Variants in VPS35 observed in about 807,000 individuals in gnomAD.
The protein encoded by VPS35 is VPS35 retromer complex component, also known as vacuolar protein sorting-associated protein 35.
In VPS35, 21 loss-of-function variants were observed where a neutral mutation model predicts 98.1. The ratio of observed to expected loss-of-function variants is 0.21; its 90% CI spans 0.15 to 0.31. VPS35 has a LOEUF of 0.31. Ranked by LOEUF, VPS35 falls within the 10% of genes least tolerant of loss-of-function variation. The probability of loss-of-function intolerance (pLI) is 1.00; values close to 1 mark genes in which losing one functional copy is unlikely to be tolerated. For missense variants in VPS35, 554 were observed against 950.8 expected, an observed-to-expected ratio of 0.58 and a Z score of 5.49; for synonymous variants, 268 against 318.2, an observed-to-expected ratio of 0.84 and a Z score of 1.68.
rs1966222863 is a variant in VPS35 at position 46,680,793 on chromosome 16, A to G, written c.384T>C (p.Asp128=). 6.2e-7 allele frequency: 1 copy of G among 1,614,078 alleles called. No individual in the cohort carries two copies. The highest frequency in any genetic ancestry group is 8.5e-7 in the Non-Finnish European group (1 of 1,179,964). The change falls in exon 5 of 17, where the codon GAT becomes GAC. Residue 128 remains aspartate (D), a synonymous_variant. Transcript: ENST00000299138. ...YVKSFPQSRK[D]ILKDLVEMCR... ...ACATTTCTACCAAATCTTTCAAAAT[A>G]TCCTTCCTGGACTGAGGAAATGACT...
rs1555523076 is a variant in VPS35, at chr16:46,662,991, T to C, written c.1819A>G (p.Met607Val). 6.2e-7 allele frequency: 1 copy of C among 1,614,214 alleles called. No individual in the cohort carries two copies. The highest frequency in any genetic ancestry group is 8.5e-7 in the Non-Finnish European group (1 of 1,180,040). Residue 607 changes from methionine to valine, a missense_variant, in exon 14 of 17, where the codon ATG (methionine) becomes GTG (valine). Met to Val is a conservative substitution (Grantham distance 21, BLOSUM62 1). Around this residue, in one of 5 missense-constraint regions of VPS35, gnomAD observed 3 missense variants for 24.0 expected, o/e 0.13. Transcript: ENST00000299138. ...AAAGAACAGATCATCACCTGGGACA[T>C]GAATTCATATGCGACTGTCTCATGA... ...ENHETVAYEF[M>V]SQAFSLYEDE... is the part of the protein sequence containing the mutation.
intron 5 of VPS35, among the ~76,000 whole-genome samples, chr16:46,680,294 T>C (rs552415885): frequency 4.9e-4 from 75 of 152,348 alleles, no homozygotes; most frequent in South Asian, 1.0e-3. Flanking sequence ...TAAAAACTGA[T>C]AGACACTAAA....
chr16:46,659,451 G>C lies in VPS35; in HGVS notation c.*1021C>G, dbSNP rs1389513871. 1 of 152,172 alleles carries C rather than the reference G, an allele frequency of 6.6e-6. No individual in the cohort carries two copies. Among genetic ancestry groups the C allele is most frequent in the Non-Finnish European group, 1.5e-5 (1 of 68,052 alleles). 9.4% of individuals were successfully genotyped at this position (152,172 alleles called of 1,614,324 possible). Reference sequence around the variant, plus strand: ...TAGTATCGGTGGTGAGCCTTTGGGGGGTTTATGTGAATTCATCATGCCTTG... The same window carrying C: ...TAGTATCGGTGGTGAGCCTTTGGGGCGTTTATGTGAATTCATCATGCCTTG... On this transcript the variant is annotated 3_prime_UTR_variant, in exon 17 of 17. Coordinates refer to ENST00000299138, the MANE Select transcript of VPS35 (RefSeq NM_018206.6).
intron 5 of VPS35, among the ~76,000 whole-genome samples, chr16:46,679,873 A>C (rs1040903378): frequency 1.3e-5 from 2 of 152,216 alleles, no homozygotes; most frequent in African/African-American, 4.8e-5. Context: ...AAAGAAATTG[A>C]TGCAGATATA....
chr16:46,660,820 C>CCA (rs1555522910), intron 16 of VPS35, 169 bp from the exon 17 acceptor site: 10 of 340,990 alleles, frequency 2.9e-5, no homozygotes, highest in Non-Finnish European at 2.7e-5. Context: ...TACTGACTAT[C>CCA]AAAAAAAAAA....
rs1157397102 is a variant in VPS35 at position 46,662,565 on chromosome 16, T to C, written c.1828-83A>G. 6 of 1,593,814 alleles carry C rather than the reference T, an allele frequency of 3.8e-6. No homozygotes were observed. In the African/African-American group the frequency reaches 8.0e-5, roughly 21 times the overall value. Reference sequence around the variant, plus strand: ...TTTCCAAAGTACTTGTCACCAAACCTCCATCCTGTGAGACTTCTGCAGCCT... The same window carrying C: ...TTTCCAAAGTACTTGTCACCAAACCCCCATCCTGTGAGACTTCTGCAGCCT... On this transcript the variant is annotated intron_variant, in intron 14 of 16. Coordinates refer to ENST00000299138, the MANE Select transcript of VPS35 (RefSeq NM_018206.6).
At chr16:46,674,804 G>A (rs1393903965) in intron 8 of VPS35, 144 bp from the exon 9 acceptor site, 1 of 847,892 alleles carries the variant, frequency 1.2e-6, no homozygotes, top group Non-Finnish European at 1.8e-6. Flanking sequence ...GTTTTGTTTT[G>A]TTTTGAGACA....
Position 46,656,311 on chromosome 16 carries a change from C to T in VPS35, c.*4161G>A, listed in dbSNP as rs1240397766. On this transcript the variant is annotated 3_prime_UTR_variant, in exon 17 of 17. Transcript: ENST00000299138. The stretch of plus-strand genomic sequence containing the variant: ...ATCAATCAGTATGCAATTCAATGGA[C>T]TTTAGTTTTGGGAGCAGACTTGAAT... 1.3e-5 allele frequency: 2 copies of T among 152,188 alleles called. No homozygotes were observed. The highest frequency in any genetic ancestry group is 2.9e-5 in the Non-Finnish European group (2 of 68,036). 9.4% of individuals were successfully genotyped at this position (152,188 alleles called of 1,614,324 possible). A position where few individuals can be genotyped will look rare whatever the true frequency, so the allele number is the denominator to read the frequency against.
chr16:46,681,306 GATAATC>G, intron 4 of VPS35, 65 bp downstream of exon 4: 3 of 1,599,516 alleles, frequency 1.9e-6, no homozygotes, highest in Non-Finnish European at 1.7e-6. Context: ...TTCTTAAGCT[GATAATC>G]ATAAAAGACG....
chr16:46,678,305 T>TA lies in VPS35; in HGVS notation c.720+637dup, dbSNP rs58288436. Among the ~76,000 whole-genome samples, 55 of 119,348 alleles carry TA rather than the reference T, an allele frequency of 4.6e-4. 2 individuals carry two copies. The highest frequency in any genetic ancestry group is 1.6e-3 in the African/African-American group (52 of 31,918). The allele number at this position is 119,348 out of a possible 152,430, so 78.3% of individuals were successfully genotyped here. On this transcript the variant is annotated intron_variant, in intron 6 of 16. Transcript: ENST00000299138. ...TAAAATACACTTAGCTGATGAGCTT[T>TA]AAAAAAAAAAAAAAAAAAAAAAAAA...
chr16:46,671,557 C>T (rs767045287), intron 12 of VPS35, 148 bp downstream of exon 12: 36 of 1,157,680 alleles, frequency 3.1e-5, no homozygotes, highest in African/African-American at 6.1e-5. Context: ...CTACAACCTC[C>T]GCCTCCCAGG....
chr16:46,683,472 G>A (rs754989523), intron 2 of VPS35, 36 bp downstream of exon 2: 39 of 1,588,242 alleles, frequency 2.5e-5, no homozygotes, highest in Non-Finnish European at 3.0e-5. Flanking sequence ...AGGAACACAC[G>A]AACTGCAACT....
chr16:46,686,092 GT>G (rs1471492398), intron 1 of VPS35, among the ~76,000 whole-genome samples: 1 of 151,946 alleles, frequency 6.6e-6, no homozygotes, highest in Non-Finnish European at 1.5e-5. Flanking sequence ...TTTTCTCTGA[GT>G]TTGACTACTC....
chr16:46,689,009 C>T (rs774693943), intron 1 of VPS35, 122 bp downstream of exon 1: 8 of 1,549,624 alleles, frequency 5.2e-6, no homozygotes, highest in Non-Finnish European at 7.0e-6. Flanking sequence ...CCAAATCGGG[C>T]TGGTCTTAAT....
intron 10 of VPS35, among the ~76,000 whole-genome samples, chr16:46,674,086 C>T (rs1966105362): frequency 1.3e-5 from 2 of 152,118 alleles, no homozygotes; most frequent in African/African-American, 4.8e-5. Context: ...AAATTGGAGA[C>T]ACTGGTCCCT....
chr16:46,674,504 G>T (rs372739478), intron 9 of VPS35, 42 bp from the exon 10 acceptor site: 34 of 1,606,060 alleles, frequency 2.1e-5, no homozygotes, highest in Middle Eastern at 1.7e-4. Context: ...TTAAACAATT[G>T]TAAAAGGAAG....
rs963718703 is a variant in VPS35, at chr16:46,661,159, G to A, written c.2212-508C>T. Among the ~76,000 whole-genome samples, 1 of 151,992 alleles carries A rather than the reference G, an allele frequency of 6.6e-6. No homozygotes were observed. Among genetic ancestry groups the A allele is most frequent in the South Asian group, 2.1e-4 (1 of 4,806 alleles). ...GACTCTGTCAAAAAAAGAAAAACAA[G>A]CAAAATTTTATTTAACTTACAAATC... is the stretch of plus-strand genomic sequence containing the variant. On this transcript the variant is annotated intron_variant, in intron 16 of 16. Transcript: ENST00000299138. This position sits in a 1 kb window ranked among gnomAD's most constrained non-coding sequence, Gnocchi z 4.3.
At chr16:46,673,993 T>C in intron 10 of VPS35, 1 of 319,122 alleles carries the variant, frequency 3.1e-6, no homozygotes, top group African/African-American at 2.1e-5. Context: ...GTGTATTTTA[T>C]GTGTGGCCCA....
chr16:46,662,580 T>G, intron 14 of VPS35, 98 bp from the exon 15 acceptor site: 1 of 1,561,714 alleles, frequency 6.4e-7, no homozygotes. Context: ...CCTGTGAGAC[T>G]TCTGCAGCCT....
Sources: gnomAD v4.1 joint callset for allele counts (sites outside exome capture counted in the v4.1 genomes callset) on GRCh38, gnomAD v4.1.1 for gene constraint, gnomAD v4.1.1 regional missense constraint, Gnocchi (gnomAD v3.1) non-coding constraint, MANE v1.5 for transcripts, NCBI Gene and HGNC (gene_info 2026-07-23, HGNC 2026-07-21) for gene names.